The following CTBP1 variants were observed in gnomAD, a reference collection of about 807,000 sequenced individuals.
The protein encoded by CTBP1 is C-terminal binding protein 1, also known as C-terminal-binding protein 1.
Under a neutral mutation model 42.1 loss-of-function variants are expected in CTBP1, and 11 were observed. The ratio of observed to expected loss-of-function variants is 0.26; its 90% CI spans 0.16 to 0.43. The LOEUF (loss-of-function observed/expected upper bound fraction) is 0.43, where lower values mean the gene tolerates loss of function less well. CTBP1 is among the 20% of genes least tolerant of loss of function. CTBP1 has a pLI of 1.00. For synonymous variants in CTBP1, 324 were observed against 277.1 expected (o/e 1.17, Z -1.68); for missense variants, 399 against 624.3 (o/e 0.64, Z 3.85).
intron 3 of CTBP1, among the ~76,000 whole-genome samples, chr4:1,231,988 C>T (rs1178604546): frequency 6.6e-6 from 1 of 152,246 alleles, no homozygotes. Context: ...AACGCCACCG[C>T]CCTCATCCAT....
chr4:1,221,703 C>T, intron 5 of CTBP1: 1 of 349,554 alleles, frequency 2.9e-6, no homozygotes, highest in Non-Finnish European at 5.7e-6. Flanking sequence ...GAAGCGGGAC[C>T]CGGGTCCTCG....
At chr4:1,218,175 G>A (rs920820130) in intron 5 of CTBP1, 3 of 152,216 alleles carry the variant, frequency 2.0e-5, no homozygotes, top group Non-Finnish European at 2.9e-5. Context: ...GGAGGCTGAG[G>A]TGGGCGGATC....
intron 3 of CTBP1, among the ~76,000 whole-genome samples, chr4:1,231,620 C>T (rs1019696988): frequency 2.0e-5 from 3 of 152,236 alleles, no homozygotes; most frequent in African/African-American, 4.8e-5. Flanking sequence ...GCTCAGGACT[C>T]GACGTCGCAC....
At chr4:1,249,722 A>G, upstream of CTBP1, 1 of 390,092 alleles carries the variant, frequency 2.6e-6, no homozygotes, top group Non-Finnish European at 5.2e-6. Flanking sequence ...CAGGCGGGGG[A>G]GCCCCGACTC....
rs904470374 is a variant in CTBP1, at chr4:1,233,697, C to T, written c.162+4486G>A. Among the ~76,000 whole-genome samples the T allele has an allele frequency of 2.0e-5, 3 of 152,308 alleles. No individual in the cohort carries two copies. Among genetic ancestry groups the T allele is most frequent in the Admixed American group, 2.0e-4 (3 of 15,300 alleles). On this transcript the variant is annotated intron_variant, in intron 3 of 9. Coordinates refer to ENST00000382952, the MANE Select transcript of CTBP1 (RefSeq NM_001012614.2). The surrounding 1 kb of genome is among the most constrained non-coding windows in gnomAD (Gnocchi z 4.6). ...GTAAAATCCCAGTCCTGAACCTGAA[C>T]ACTGGGGCGCCTCCCAGGCCCCGAC...
In CTBP1 at chr4:1,248,973, C is replaced by A; in HGVS notation, c.-246G>T. 1.0e-6 allele frequency: 1 copy of A among 997,464 alleles called. No homozygotes were observed. The highest frequency in any genetic ancestry group is 3.5e-5 in the South Asian group (1 of 28,210). The allele number at this position is 997,464 out of a possible 1,614,324, so 61.8% of individuals were successfully genotyped here. ...CTGCCCATCGAGAGGCGCGAGCGGC[C>A]GCGGGCCCCGACCACTCCGGCGCGC... On this transcript the variant is annotated 5_prime_UTR_variant, in exon 1 of 10. Coordinates refer to ENST00000382952, the MANE Select transcript of CTBP1 (RefSeq NM_001012614.2).
intron 5 of CTBP1, among the ~76,000 whole-genome samples, chr4:1,224,099 G>A (rs2108744633): frequency 6.6e-6 from 1 of 152,364 alleles, no homozygotes; most frequent in Non-Finnish European, 1.5e-5. Context: ...CAGCTCCAGG[G>A]GACTCAAGGG....
Position 1,245,860 on chromosome 4 carries a change from G to T in CTBP1, c.-189+3056C>A, listed in dbSNP as rs148106880. ...CCAACACCGCCCACACCTCTCTCAGGGCCATAGCCCCAACGCCTCCCCAAC... is the reference window on the plus strand; with the variant it reads ...CCAACACCGCCCACACCTCTCTCAGTGCCATAGCCCCAACGCCTCCCCAAC... On this transcript the variant is annotated intron_variant, in intron 1 of 9. Coordinates refer to ENST00000382952, the MANE Select transcript of CTBP1 (RefSeq NM_001012614.2). 3.2e-3 allele frequency among the ~76,000 whole-genome samples: 485 copies of T among 152,182 alleles called. 3 individuals carry two copies. The highest frequency in any genetic ancestry group is 0.011 in the African/African-American group (462 of 41,518).
rs1380381523 is a variant in CTBP1 at position 1,233,528 on chromosome 4, G to A, written c.162+4655C>T. Among the ~76,000 whole-genome samples the A allele has an allele frequency of 6.6e-6, 1 of 152,110 alleles. No individual in the cohort carries two copies. The highest frequency in any genetic ancestry group is 1.5e-5 in the Non-Finnish European group (1 of 68,016). The stretch of plus-strand genomic sequence containing the variant: ...ACCGGACGCAGCCTCCAGGCTCCAG[G>A]GCTTCCTTTTTCTTGCTCAGCAGTT... On this transcript the variant is annotated intron_variant, in intron 3 of 9. Transcript: ENST00000382952. The surrounding 1 kb of genome is among the most constrained non-coding windows in gnomAD (Gnocchi z 4.6).
chr4:1,248,584 G>A (rs1733010968), intron 1 of CTBP1: 3 of 719,874 alleles, frequency 4.2e-6, no homozygotes, highest in South Asian at 6.2e-5. Flanking sequence ...TGCCGTCCCG[G>A]GTCCGACGGG....
In CTBP1 at chr4:1,248,231, G is replaced by C. The variant is rs374534167; in HGVS notation, c.-189+685C>G. On this transcript the variant is annotated intron_variant, in intron 1 of 9. Transcript: ENST00000382952. ...ACCTGGGCGGGCCCAGGCAAGGGCA[G>C]GTGGGGGCGCTGGGCCGGTCCGGGA... Among the ~76,000 whole-genome samples the C allele has an allele frequency of 9.9e-5, 15 of 152,066 alleles. No individual in the cohort carries two copies. The South Asian group carries it at 1.2e-3, about 13-fold the overall frequency.
intron 4 of CTBP1, among the ~76,000 whole-genome samples, 172 bp downstream of exon 4, chr4:1,228,027 A>C (rs1232200639): frequency 1.3e-5 from 2 of 152,158 alleles, no homozygotes; most frequent in Non-Finnish European, 2.9e-5. Flanking sequence ...TCTGTGAGGA[A>C]CTGAATGGCT....
At chr4:1,215,574 C>T (rs1356574103) in intron 6 of CTBP1, 1 of 274,350 alleles carries the variant, frequency 3.6e-6, no homozygotes, top group East Asian at 1.0e-4. Flanking sequence ...GACCTGAGCA[C>T]AGCCCTTTCC....
chr4:1,241,658 C>T lies in CTBP1; in HGVS notation c.-188-139G>A, dbSNP rs1239181064. The T allele has an allele frequency of 1.5e-5, 20 of 1,315,696 alleles. No homozygotes were observed. The South Asian group carries it at 2.2e-4, about 15-fold the overall frequency. The allele number at this position is 1,315,696 out of a possible 1,614,324, so 81.5% of individuals were successfully genotyped here. Reference sequence around the variant, plus strand: ...CTGCTGTCTGGGACCTACCTGGACTCGGGGGCCTGCTGACAGCCAGGGGCC... The same window carrying T: ...CTGCTGTCTGGGACCTACCTGGACTTGGGGGCCTGCTGACAGCCAGGGGCC... On this transcript the variant is annotated intron_variant, in intron 1 of 9. Transcript: ENST00000382952.
At chr4:1,220,767 G>A (rs1729648645) in intron 5 of CTBP1, among the ~76,000 whole-genome samples, 2 of 152,248 alleles carry the variant, frequency 1.3e-5, no homozygotes, top group Admixed American at 6.5e-5. Context: ...GCATCGTGCC[G>A]CAGCGACCTG....
At chr4:1,243,432 G>A (rs1732397135) in intron 1 of CTBP1, 1 of 985,274 alleles carries the variant, frequency 1.0e-6, no homozygotes, top group Admixed American at 6.1e-5. Flanking sequence ...GGGACTTCCT[G>A]TGGTTCCTTG....
chr4:1,214,857 C>T (rs111334471), intron 6 of CTBP1, among the ~76,000 whole-genome samples: 4 of 152,376 alleles, frequency 2.6e-5, no homozygotes, highest in Non-Finnish European at 4.4e-5. Flanking sequence ...CTCCCTGGGA[C>T]GGCAAAGCCC....
At chr4:1,242,233 C>G (rs762435452) in intron 1 of CTBP1, 207 of 985,302 alleles carry the variant, frequency 2.1e-4, no homozygotes, top group Non-Finnish European at 2.4e-4. Context: ...CCAGTAGAGG[C>G]TTGAGAGTGC....
intron 3 of CTBP1, chr4:1,236,566 C>T (rs941445478): frequency 5.4e-5 from 36 of 666,038 alleles, no homozygotes; most frequent in African/African-American, 4.8e-4. Flanking sequence ...CAGGACAAAC[C>T]GAGTGTCCAC....
Sources: gnomAD v4.1 joint callset for allele counts (sites outside exome capture counted in the v4.1 genomes callset) on GRCh38, gnomAD v4.1.1 for gene constraint, Gnocchi (gnomAD v3.1) non-coding constraint, MANE v1.5 for transcripts, NCBI Gene and HGNC (gene_info 2026-07-23, HGNC 2026-07-21) for gene names.